Variants in PEX14 observed in about 807,000 individuals in gnomAD.
PEX14 encodes peroxisomal biogenesis factor 14, also known as peroxisomal membrane protein PEX14.
In PEX14, 15 loss-of-function variants were observed where a neutral mutation model predicts 49.5. The observed-to-expected ratio is 0.30, with a 90% CI of 0.20 to 0.47. The LOEUF is 0.47. PEX14 is among the 20% of genes least tolerant of loss of function. The pLI is 1.00. For missense variants in PEX14, 398 were observed against 494.8 expected (o/e 0.80, Z 1.86); for synonymous variants, 210 against 212.7 (o/e 0.99, Z 0.11).
intron 2 of PEX14, among the ~76,000 whole-genome samples, chr1:10,530,736 C>A (rs1638626419): frequency 6.6e-6 from 1 of 152,240 alleles, no homozygotes; most frequent in African/African-American, 2.4e-5. Context: ...TTTCTGGAAG[C>A]TTTCTTTCTC....
intron 3 of PEX14, among the ~76,000 whole-genome samples, chr1:10,537,071 T>G (rs574002178): frequency 3.7e-4 from 56 of 152,290 alleles, no homozygotes; most frequent in African/African-American, 1.3e-3. Context: ...GCCTTGAAAT[T>G]CTGAGTTTTG....
chr1:10,485,495 T>G (rs1032505552), intron 1 of PEX14, among the ~76,000 whole-genome samples: 1 of 151,078 alleles, frequency 6.6e-6, no homozygotes, highest in African/African-American at 2.5e-5. Context: ...ATTTTTTGAA[T>G]TTTTGTAGCG....
At chr1:10,581,248 A>G (rs1640306626) in intron 3 of PEX14, among the ~76,000 whole-genome samples, 1 of 151,636 alleles carries the variant, frequency 6.6e-6, no homozygotes, top group African/African-American at 2.4e-5. Context: ...GCAGAATGAA[A>G]CCTGTTTCCA....
At chr1:10,627,243 C>T (rs1456434879) in intron 7 of PEX14, 29 bp from the exon 8 acceptor site, 14 of 1,552,762 alleles carry the variant, frequency 9.0e-6, no homozygotes, top group Non-Finnish European at 1.2e-5. Flanking sequence ...AAGGCGCCCG[C>T]CCTGAGCCTC....
intron 3 of PEX14, among the ~76,000 whole-genome samples, chr1:10,566,689 TG>T (rs1272306214): frequency 6.6e-6 from 1 of 152,082 alleles, no homozygotes; most frequent in African/African-American, 2.4e-5. Flanking sequence ...TGTTTTGTTT[TG>T]TTTTTTAGTA....
intron 4 of PEX14, among the ~76,000 whole-genome samples, chr1:10,600,675 G>A (rs913022391): frequency 2.0e-5 from 3 of 151,892 alleles, no homozygotes; most frequent in African/African-American, 4.8e-5. Context: ...CCGAGATCAC[G>A]CCGCTGCACT....
intron 2 of PEX14, among the ~76,000 whole-genome samples, chr1:10,501,491 C>T (rs1032968714): frequency 2.6e-5 from 4 of 152,058 alleles, no homozygotes; most frequent in South Asian, 4.1e-4. Flanking sequence ...TTAGTAGAGA[C>T]GGGGTTTCAC....
intron 3 of PEX14, among the ~76,000 whole-genome samples, chr1:10,577,564 T>TATATATATA (rs1640182522): frequency 8.0e-4 from 2 of 2,492 alleles, no homozygotes; most frequent in African/African-American, 2.5e-3. Flanking sequence ...ATATATATAT[T>TATATATATA]TTTTTTTTTT....
chr1:10,527,378 G>A (rs1638519172), intron 2 of PEX14, among the ~76,000 whole-genome samples: 1 of 151,674 alleles, frequency 6.6e-6, no homozygotes, highest in Non-Finnish European at 1.5e-5. Flanking sequence ...TTAGCTGGGT[G>A]TGGTGGCATG....
intron 3 of PEX14, among the ~76,000 whole-genome samples, chr1:10,581,151 T>C (rs1459048557): frequency 6.6e-6 from 1 of 152,048 alleles, no homozygotes; most frequent in Non-Finnish European, 1.5e-5. Flanking sequence ...AATAGTATGC[T>C]GTTGCCACGT....
At chr1:10,625,700 G>C (rs559324795) in intron 7 of PEX14, among the ~76,000 whole-genome samples, 1 of 152,212 alleles carries the variant, frequency 6.6e-6, no homozygotes. Context: ...TGCTCTCCTG[G>C]GTCAGGTCAT....
chr1:10,609,664 C>A (rs1034592617), intron 4 of PEX14, among the ~76,000 whole-genome samples: 1 of 152,116 alleles, frequency 6.6e-6, no homozygotes, highest in African/African-American at 2.4e-5. Flanking sequence ...GAGGGCGGAT[C>A]ACCTGAGGTC....
At chr1:10,563,619 C>A (rs1167046617) in intron 3 of PEX14, among the ~76,000 whole-genome samples, 2 of 149,490 alleles carry the variant, frequency 1.3e-5, no homozygotes, top group East Asian at 4.0e-4. Flanking sequence ...GAGCGAAACT[C>A]CGTCTCAAAA....
chr1:10,523,544 A>T (rs895077634), intron 2 of PEX14, among the ~76,000 whole-genome samples: 1 of 151,848 alleles, frequency 6.6e-6, no homozygotes, highest in African/African-American at 2.4e-5. Flanking sequence ...CATCTGTTTA[A>T]CCCCTTATTT....
chr1:10,549,880 C>CG (rs1464964689), intron 3 of PEX14, among the ~76,000 whole-genome samples: 1 of 152,202 alleles, frequency 6.6e-6, no homozygotes, highest in East Asian at 1.9e-4. Flanking sequence ...TAAAATAGCA[C>CG]TGTTCTTTGG....
chr1:10,536,699 G>A (rs998670661), intron 3 of PEX14: 3 of 232,104 alleles, frequency 1.3e-5, no homozygotes, highest in Non-Finnish European at 2.6e-5. Flanking sequence ...GAAATGAAGG[G>A]CGAGGGAAAC....
chr1:10,550,823 A>G (rs1389483966), intron 3 of PEX14, among the ~76,000 whole-genome samples: 1 of 152,224 alleles, frequency 6.6e-6, no homozygotes, highest in East Asian at 1.9e-4. Context: ...CACATTGTAG[A>G]AAATGAAATC....
chr1:10,488,149 A>C (rs751994758), intron 1 of PEX14, among the ~76,000 whole-genome samples: 21 of 152,172 alleles, frequency 1.4e-4, no homozygotes, highest in Admixed American at 5.9e-4. Flanking sequence ...GAGGATATTA[A>C]ACTTTTTTAT....
intron 3 of PEX14, among the ~76,000 whole-genome samples, chr1:10,554,133 CAAA>C (rs33963510): frequency 0.046 from 5,100 of 111,062 alleles, 349 homozygotes; most frequent in African/African-American, 0.16. Flanking sequence ...ACTAAAAATA[CAAA>C]AAAAAAAAAA....
Sources: allele counts gnomAD v4.1 joint callset (sites outside exome capture counted in the v4.1 genomes callset), GRCh38; gene constraint gnomAD v4.1.1; transcripts MANE v1.5; gene names NCBI Gene and HGNC (gene_info 2026-07-23, HGNC 2026-07-21).